PRKAR1B: variants seen among roughly 807,000 people sequenced by gnomAD.
The protein encoded by PRKAR1B is protein kinase cAMP-dependent type I regulatory subunit beta, also known as cAMP-dependent protein kinase type I-beta regulatory subunit.
PRKAR1B carries 22 observed loss-of-function variants against 46.5 expected under a neutral mutation model. The observed-to-expected ratio is 0.47, with a 90% CI of 0.34 to 0.68. PRKAR1B has a LOEUF of 0.68. PRKAR1B is among the 30% of genes least tolerant of loss of function. The pLI, the probability that PRKAR1B is intolerant of heterozygous loss-of-function variation, is 0.01. For missense variants in PRKAR1B, 445 were observed against 535.6 expected (o/e 0.83, Z 1.67); for synonymous variants, 259 against 217.7 (o/e 1.19, Z -1.67).
intron 2 of PRKAR1B, among the ~76,000 whole-genome samples, chr7:684,236 C>G (rs893722895): frequency 3.3e-5 from 5 of 152,188 alleles, no homozygotes; most frequent in Non-Finnish European, 7.3e-5. Context: ...ATTCTGTCTC[C>G]TCAAACACCT....
intron 6 of PRKAR1B, among the ~76,000 whole-genome samples, chr7:598,859 G>A (rs954956501): frequency 3.9e-5 from 6 of 152,352 alleles, no homozygotes; most frequent in African/African-American, 9.6e-5. Flanking sequence ...CCACCCCCTC[G>A]AATGGCTGCC....
In PRKAR1B at chr7:666,514, C is replaced by T. The variant is rs1055874240; in HGVS notation, c.440+10715G>A. ...GGGGCCTGCCCTGGGAGCTACTCAACTCTGCAGAGGGGCTGTGCAGGTGCC... is the reference window on the plus strand; with the variant it reads ...GGGGCCTGCCCTGGGAGCTACTCAATTCTGCAGAGGGGCTGTGCAGGTGCC... On this transcript the variant is annotated intron_variant, in intron 4 of 10. Transcript: ENST00000537384. The surrounding 1 kb of genome is among the most constrained non-coding windows in gnomAD (Gnocchi z 4.9). Among the ~76,000 whole-genome samples the T allele has an allele frequency of 2.6e-5, 4 of 152,230 alleles. No homozygotes were observed. Among genetic ancestry groups the T allele is most frequent in the Non-Finnish European group, 4.4e-5 (3 of 68,022 alleles).
chr7:699,888 C>T (rs1327923619), intron 2 of PRKAR1B, among the ~76,000 whole-genome samples: 1 of 152,118 alleles, frequency 6.6e-6, no homozygotes, highest in Non-Finnish European at 1.5e-5. Context: ...GAAGATGGCT[C>T]CAGCTGTGAC....
intron 9 of PRKAR1B, among the ~76,000 whole-genome samples, chr7:555,422 G>A (rs1033989168): frequency 3.3e-5 from 5 of 152,228 alleles, no homozygotes; most frequent in African/African-American, 4.8e-5. Context: ...AGGCCATTTG[G>A]AAATCGGCAG....
chr7:572,157 G>A (rs1426389553), intron 9 of PRKAR1B, among the ~76,000 whole-genome samples: 3 of 152,180 alleles, frequency 2.0e-5, no homozygotes, highest in African/African-American at 7.2e-5. Flanking sequence ...CCCAGGCCCT[G>A]GGGCTCAGGG....
chr7:635,270 C>T (rs1403635060), intron 4 of PRKAR1B, among the ~76,000 whole-genome samples: 2 of 152,246 alleles, frequency 1.3e-5, no homozygotes, highest in South Asian at 2.1e-4. Flanking sequence ...GCCCCAAGGC[C>T]CAGCCCTCCC....
intron 1 of PRKAR1B, among the ~76,000 whole-genome samples, chr7:722,637 G>A (rs1169271974): frequency 1.3e-5 from 2 of 152,286 alleles, no homozygotes; most frequent in Non-Finnish European, 2.9e-5. Flanking sequence ...CTCACAAAGT[G>A]CTGGGATGAC....
At chr7:684,479 T>C (rs1778892564) in intron 2 of PRKAR1B, among the ~76,000 whole-genome samples, 1 of 152,208 alleles carries the variant, frequency 6.6e-6, no homozygotes, top group Non-Finnish European at 1.5e-5. Flanking sequence ...CTATCTGAGA[T>C]TTCTGGAAAA....
intron 1 of PRKAR1B, among the ~76,000 whole-genome samples, chr7:723,277 C>A (rs1177928787): frequency 6.6e-6 from 1 of 152,220 alleles, no homozygotes; most frequent in East Asian, 1.9e-4. Flanking sequence ...GTGGCAGCTA[C>A]CCTCTAGGTC....
intron 7 of PRKAR1B, among the ~76,000 whole-genome samples, chr7:590,064 C>T (rs1476657533): frequency 3.3e-5 from 5 of 152,326 alleles, no homozygotes; most frequent in African/African-American, 4.8e-5. Flanking sequence ...CCGGAAATGT[C>T]GGTGGCCTGG....
At chr7:640,777 C>A (rs1327678277) in intron 4 of PRKAR1B, among the ~76,000 whole-genome samples, 1 of 104,064 alleles carries the variant, frequency 9.6e-6, no homozygotes, top group Non-Finnish European at 2.0e-5. Context: ...CACACACACA[C>A]ACACACACAC....
At chr7:716,846 G>C (rs4072186) in intron 1 of PRKAR1B, 19,754 of 152,214 alleles carry the variant, frequency 0.13, 1,745 homozygotes, top group Middle Eastern at 0.24. Flanking sequence ...TGCTCCCTGA[G>C]CTGAGGATAG....
chr7:575,346 G>A (rs766466984), intron 9 of PRKAR1B, among the ~76,000 whole-genome samples: 2 of 152,322 alleles, frequency 1.3e-5, no homozygotes, highest in Non-Finnish European at 2.9e-5. Context: ...AGAGCATCCC[G>A]GGAGCAGGGC....
intron 4 of PRKAR1B, among the ~76,000 whole-genome samples, chr7:619,243 C>T (rs1396104375): frequency 6.6e-6 from 1 of 152,222 alleles, no homozygotes; most frequent in Non-Finnish European, 1.5e-5. Flanking sequence ...GCCAGATCCC[C>T]ACACACAGCC....
chr7:583,495 GCACACCCATA>G (rs764790470), intron 8 of PRKAR1B, among the ~76,000 whole-genome samples: 6 of 127,308 alleles, frequency 4.7e-5, no homozygotes, highest in Admixed American at 3.9e-4. Flanking sequence ...ACACGTGTGT[GCACACCCATA>G]CACACCCACA....
At chr7:701,148 A>T (rs548730868) in intron 2 of PRKAR1B, among the ~76,000 whole-genome samples, 7 of 151,800 alleles carry the variant, frequency 4.6e-5, no homozygotes, top group African/African-American at 1.7e-4. Context: ...AGATCGCACC[A>T]CTGCACTCCA....
At chr7:640,890 G>T (rs9691541) in intron 4 of PRKAR1B, among the ~76,000 whole-genome samples, 1,915 of 152,080 alleles carry the variant, frequency 0.013, 19 homozygotes, top group Middle Eastern at 0.024. Flanking sequence ...CAAGGATGTG[G>T]AGAAATGAGA....
intron 4 of PRKAR1B, among the ~76,000 whole-genome samples, chr7:671,157 C>A (rs547910236): frequency 1.1e-4 from 16 of 151,688 alleles, no homozygotes; most frequent in African/African-American, 3.6e-4. Flanking sequence ...CACCCACCCT[C>A]CCCAACCCAC....
At chr7:715,806 C>T (rs943704366) in intron 1 of PRKAR1B, among the ~76,000 whole-genome samples, 2 of 152,010 alleles carry the variant, frequency 1.3e-5, no homozygotes, top group African/African-American at 4.8e-5. Context: ...AGCTCCGCCT[C>T]CCGGGTTCAC....
Sources: allele counts gnomAD v4.1 joint callset (sites outside exome capture counted in the v4.1 genomes callset), GRCh38; gene constraint gnomAD v4.1.1; non-coding constraint Gnocchi (gnomAD v3.1); transcripts MANE v1.5; gene names NCBI Gene and HGNC (gene_info 2026-07-23, HGNC 2026-07-21).